SIM1: variants seen among roughly 807,000 people sequenced by gnomAD.
SIM1 encodes SIM bHLH transcription factor 1, also known as single-minded homolog 1.
A neutral mutation model predicts 78.2 loss-of-function variants in SIM1; 18 were observed. The observed-to-expected ratio is 0.23, with a 90% CI of 0.16 to 0.34. The LOEUF (loss-of-function observed/expected upper bound fraction) is 0.34, where lower values mean the gene tolerates loss of function less well. Ranked by LOEUF, SIM1 falls within the 10% of genes least tolerant of loss-of-function variation. The pLI, the probability that SIM1 is intolerant of heterozygous loss-of-function variation, is 1.00. For missense variants in SIM1, 939 were observed against 975.1 expected, an observed-to-expected ratio of 0.96 and a Z score of 0.49; for synonymous variants, 417 against 385.2, an observed-to-expected ratio of 1.08 and a Z score of -0.97.
intron 10 of SIM1, among the ~76,000 whole-genome samples, chr6:100,408,847 C>T (rs895091890): frequency 6.6e-6 from 1 of 151,950 alleles, no homozygotes; most frequent in Non-Finnish European, 1.5e-5. Flanking sequence ...TCTGTGTTCA[C>T]CAGGGATACT....
At chr6:100,426,940 C>T (rs915627988) in intron 9 of SIM1, among the ~76,000 whole-genome samples, 7 of 152,194 alleles carry the variant, frequency 4.6e-5, no homozygotes, top group Non-Finnish European at 1.0e-4. Context: ...ACCAAGGAAA[C>T]GTGGAAACAA....
chr6:100,446,164 CAAAT>C (rs905422121), intron 9 of SIM1, among the ~76,000 whole-genome samples: 13 of 152,252 alleles, frequency 8.5e-5, no homozygotes, highest in Non-Finnish European at 1.2e-4. Context: ...AGACACAGAA[CAAAT>C]AGTCTCACTG....
chr6:100,455,973 T>C (rs1232986234), intron 2 of SIM1, among the ~76,000 whole-genome samples: 2 of 152,042 alleles, frequency 1.3e-5, no homozygotes, highest in Non-Finnish European at 2.9e-5. Context: ...CGAGGGAAAA[T>C]GAGACTTCCC....
In SIM1 at chr6:100,420,818, G is replaced by A. The variant is rs1334153580; in HGVS notation, c.1139C>T (p.Ser380Leu). The A allele has an allele frequency of 6.2e-7, 1 of 1,614,136 alleles. No homozygotes were observed. Among genetic ancestry groups the A allele is most frequent in the Non-Finnish European group, 8.5e-7 (1 of 1,180,016 alleles). The change falls in exon 10 of 12, where the codon TCA becomes TTA. Residue 380 changes from serine to leucine, a missense_variant. Around this residue, in one of 5 missense-constraint regions of SIM1, gnomAD observed 556 missense variants for 521.9 expected, o/e 1.07. Transcript: ENST00000369208. Reference protein sequence around the residue: ...GAKSRLSSSKSKSRTSPYPQY... With the variant: ...GAKSRLSSSKLKSRTSPYPQY... ...AGGGTATGGGGAAGTCCTGGATTTT[G>A]ACTTTGAGCTGGAGAGCCGGGATTT...
At chr6:100,423,892 T>C (rs1401672097) in intron 9 of SIM1, among the ~76,000 whole-genome samples, 3 of 152,214 alleles carry the variant, frequency 2.0e-5, no homozygotes, top group Non-Finnish European at 2.9e-5. Context: ...AGACATTTAG[T>C]TCCTGCTTGA....
rs183025742 is a variant in SIM1, at chr6:100,429,972, G to A, written c.999-9014C>T. On this transcript the variant is annotated intron_variant, in intron 9 of 11. Coordinates refer to ENST00000369208, the MANE Select transcript of SIM1 (RefSeq NM_005068.3). ...CTCACTTTCTGATCTGTTTACCACCGTTCCTACCTTATAGAATGATCTGTC... is the reference window on the plus strand; with the variant it reads ...CTCACTTTCTGATCTGTTTACCACCATTCCTACCTTATAGAATGATCTGTC... 3.2e-3 allele frequency among the ~76,000 whole-genome samples: 486 copies of A among 152,018 alleles called. 1 individual carries two copies. The highest frequency in any genetic ancestry group is 4.8e-3 in the South Asian group (23 of 4,818).
rs1368827199 is a variant in SIM1 at position 100,386,814 on chromosome 6, TCAC to T, written c.*3544_*3546del. 2.0e-5 allele frequency: 3 copies of T among 152,102 alleles called. No homozygotes were observed. Among genetic ancestry groups the T allele is most frequent in the African/African-American group, 7.2e-5 (3 of 41,448 alleles). The allele number at this position is 152,102 out of a possible 1,614,324, so 9.4% of individuals were successfully genotyped here. A position where few individuals can be genotyped will look rare whatever the true frequency, so the allele number is the denominator to read the frequency against. On this transcript the variant is annotated 3_prime_UTR_variant, in exon 12 of 12. Transcript: ENST00000369208. ...ATTGCATCCCGTCTCATTTTGAATG[TCAC>T]CTCAGCACTGTCATATTATCTTTTA...
chr6:100,453,645 G>A (rs532955245), intron 3 of SIM1, 117 bp downstream of exon 3: 4 of 659,906 alleles, frequency 6.1e-6, no homozygotes, highest in African/African-American at 5.1e-5. Flanking sequence ...CTGTTTTTGT[G>A]GGGGGGGTTG....
chr6:100,403,787 C>T (rs545487650), intron 10 of SIM1, among the ~76,000 whole-genome samples: 1 of 152,196 alleles, frequency 6.6e-6, no homozygotes, highest in Non-Finnish European at 1.5e-5. Context: ...TAAACACTTG[C>T]TATGCATTCG....
chr6:100,429,899 C>A (rs1771857178), intron 9 of SIM1, among the ~76,000 whole-genome samples: 1 of 152,138 alleles, frequency 6.6e-6, no homozygotes, highest in Admixed American at 6.5e-5. Context: ...GGTATACCAG[C>A]TGTAATTTTA....
intron 9 of SIM1, among the ~76,000 whole-genome samples, chr6:100,435,562 C>G (rs74679633): frequency 1.3e-5 from 2 of 152,100 alleles, no homozygotes; most frequent in African/African-American, 4.8e-5. Context: ...CAATGTGCCA[C>G]GCCTCTTTCA....
chr6:100,442,117 C>T (rs1772235181), intron 9 of SIM1, among the ~76,000 whole-genome samples: 1 of 152,158 alleles, frequency 6.6e-6, no homozygotes, highest in African/African-American at 2.4e-5. Flanking sequence ...AGAAGCAAGT[C>T]AGGTAACCAA....
intron 2 of SIM1, among the ~76,000 whole-genome samples, chr6:100,460,114 A>G (rs1488945134): frequency 6.6e-6 from 1 of 152,132 alleles, no homozygotes; most frequent in East Asian, 1.9e-4. Flanking sequence ...ATTCTTAATT[A>G]TTCCAGGTAC....
chr6:100,450,192 C>T, intron 4 of SIM1, 75 bp downstream of exon 4: 1 of 1,278,958 alleles, frequency 7.8e-7, no homozygotes, highest in Non-Finnish European at 1.1e-6. Context: ...ACCCAGCCCC[C>T]AACCCAGCCC....
intron 9 of SIM1, among the ~76,000 whole-genome samples, chr6:100,437,961 A>C (rs968306276): frequency 2.0e-5 from 3 of 152,218 alleles, no homozygotes; most frequent in Non-Finnish European, 4.4e-5. Flanking sequence ...TACAAAAATC[A>C]ACTCAAGAAG....
At chr6:100,427,183 G>A (rs1277592327) in intron 9 of SIM1, 1 of 152,206 alleles carries the variant, frequency 6.6e-6, no homozygotes, top group Non-Finnish European at 1.5e-5. Flanking sequence ...TCATTTTCAA[G>A]CTCCTATGGA....
At chr6:100,422,208 T>C (rs964855214) in intron 9 of SIM1, among the ~76,000 whole-genome samples, 1 of 152,144 alleles carries the variant, frequency 6.6e-6, no homozygotes, top group Non-Finnish European at 1.5e-5. Flanking sequence ...TAAAACCTGA[T>C]AATTTTTTTT....
rs545369531 is a variant in SIM1 at position 100,445,933 on chromosome 6, A to C, written c.998+1335T>G. 3.3e-5 allele frequency among the ~76,000 whole-genome samples: 5 copies of C among 152,320 alleles called. No homozygotes were observed. The South Asian group carries it at 1.0e-3, about 32-fold the overall frequency. ...GAAGAACTGTATTCATGAAATTGAT[A>C]GTTTTGTTTCATGAAACCCAAAATG... is the stretch of plus-strand genomic sequence containing the variant. On this transcript the variant is annotated intron_variant, in intron 9 of 11. Coordinates refer to ENST00000369208, the MANE Select transcript of SIM1 (RefSeq NM_005068.3).
At position 100,449,728 on chromosome 6, in the gene SIM1, G is replaced by T. The variant is rs766730662; in HGVS notation, c.349-29C>A. 9.5e-6 allele frequency: 15 copies of T among 1,579,432 alleles called. No homozygotes were observed. In the African/African-American group the frequency reaches 1.9e-4, roughly 20 times the overall value. On this transcript the variant is annotated intron_variant, in intron 4 of 11. Coordinates refer to ENST00000369208, the MANE Select transcript of SIM1 (RefSeq NM_005068.3). ...TAAAGAGGAGGATGTCGCCGTCGCC[G>T]TGGCGGTGGAATGCCCGGTGAAGGG...
Sources: gnomAD v4.1 joint callset for allele counts (sites outside exome capture counted in the v4.1 genomes callset) on GRCh38, gnomAD v4.1.1 for gene constraint, gnomAD v4.1.1 regional missense constraint, MANE v1.5 for transcripts, NCBI Gene and HGNC (gene_info 2026-07-23, HGNC 2026-07-21) for gene names.